The following VTA1 variants were observed in gnomAD, a reference collection of about 807,000 sequenced individuals.
VTA1 encodes vacuolar protein sorting-associated protein VTA1 homolog.
VTA1 carries 24 observed loss-of-function variants against 36.9 expected under a neutral mutation model. The observed-to-expected ratio is 0.65, with a 90% CI of 0.47 to 0.91. The LOEUF is 0.91. Ranked by LOEUF, VTA1 falls within the 40% of genes least tolerant of loss-of-function variation. The pLI is 0.00. For synonymous variants in VTA1, 142 were observed against 130.2 expected, an observed-to-expected ratio of 1.09 and a Z score of -0.62; for missense variants, 393 against 377.2, an observed-to-expected ratio of 1.04 and a Z score of -0.35.
intron 7 of VTA1, among the ~76,000 whole-genome samples, chr6:142,211,226 A>G (rs1457104978): frequency 6.6e-6 from 1 of 152,218 alleles, no homozygotes; most frequent in Non-Finnish European, 1.5e-5. Context: ...TGTTTTTATT[A>G]CCACTGAAAT....
intron 4 of VTA1, among the ~76,000 whole-genome samples, chr6:142,186,852 T>C (rs1292524859): frequency 6.6e-6 from 1 of 151,724 alleles, no homozygotes; most frequent in African/African-American, 2.4e-5. Flanking sequence ...GGCAGGATCA[T>C]GATGTTTGTA....
At chr6:142,170,964 C>G (rs145671222) in intron 4 of VTA1, among the ~76,000 whole-genome samples, 1 of 152,112 alleles carries the variant, frequency 6.6e-6, no homozygotes, top group Non-Finnish European at 1.5e-5. Context: ...GTATTTTACA[C>G]TTCAGCATAT....
At chr6:142,191,120 G>A (rs1775447338) in intron 5 of VTA1, among the ~76,000 whole-genome samples, 1 of 152,048 alleles carries the variant, frequency 6.6e-6, no homozygotes, top group African/African-American at 2.4e-5. Flanking sequence ...ACTAAAGATG[G>A]TCTACAGTTT....
intron 1 of VTA1, among the ~76,000 whole-genome samples, chr6:142,150,739 C>A (rs1240944233): frequency 2.0e-5 from 3 of 151,986 alleles, no homozygotes; most frequent in Non-Finnish European, 4.4e-5. Flanking sequence ...ATGAAGAAAC[C>A]CTGTCTGTAC....
chr6:142,153,339 A>G (rs1477144923), intron 1 of VTA1, among the ~76,000 whole-genome samples: 1 of 151,726 alleles, frequency 6.6e-6, no homozygotes, highest in Non-Finnish European at 1.5e-5. Context: ...ACAGTAATTC[A>G]TAGCTTTTTT....
intron 7 of VTA1, among the ~76,000 whole-genome samples, chr6:142,213,096 A>G (rs1490781469): frequency 1.3e-5 from 2 of 152,204 alleles, no homozygotes; most frequent in Non-Finnish European, 2.9e-5. Flanking sequence ...CTTTCCACCT[A>G]TGAGCCTGTA....
intron 5 of VTA1, among the ~76,000 whole-genome samples, chr6:142,193,579 G>A (rs1230716182): frequency 6.6e-6 from 1 of 151,988 alleles, no homozygotes; most frequent in African/African-American, 2.4e-5. Flanking sequence ...ATTTACATCA[G>A]TATGGGCTCA....
At chr6:142,179,153 C>G (rs1319262725) in intron 4 of VTA1, among the ~76,000 whole-genome samples, 1 of 151,700 alleles carries the variant, frequency 6.6e-6, no homozygotes, top group Non-Finnish European at 1.5e-5. Context: ...ATTTTAACAC[C>G]CCCATTAGTC....
At chr6:142,165,301 C>T (rs541288339) in intron 1 of VTA1, among the ~76,000 whole-genome samples, 2 of 152,060 alleles carry the variant, frequency 1.3e-5, no homozygotes, top group South Asian at 4.1e-4. Context: ...TGGGGGGCAG[C>T]GTAACCGTAG....
intron 4 of VTA1, among the ~76,000 whole-genome samples, chr6:142,179,468 C>T (rs1462067530): frequency 6.6e-6 from 1 of 151,938 alleles, no homozygotes; most frequent in Non-Finnish European, 1.5e-5. Context: ...AGAAACAACC[C>T]TGATGTCCAC....
intron 7 of VTA1, among the ~76,000 whole-genome samples, chr6:142,206,964 A>C (rs1321068996): frequency 1.3e-5 from 2 of 152,192 alleles, no homozygotes; most frequent in Non-Finnish European, 2.9e-5. Context: ...CTGATGCCTA[A>C]ATTTGAACTC....
chr6:142,195,694 G>C (rs986182148), intron 5 of VTA1, among the ~76,000 whole-genome samples: 33 of 140,056 alleles, frequency 2.4e-4, no homozygotes, highest in African/African-American at 8.5e-4. Flanking sequence ...CTATCTTTCA[G>C]TTTCCCTCTA....
chr6:142,181,094 A>AAAAAAAAATATATATAT (rs1471429927), intron 4 of VTA1, among the ~76,000 whole-genome samples: 6 of 36,420 alleles, frequency 1.6e-4, no homozygotes, highest in Admixed American at 8.1e-4. Context: ...AAAAAAAAAA[A>AAAAAAAAATATATATAT]ATATATATAT....
chr6:142,204,092 T>C, intron 7 of VTA1, 27 bp downstream of exon 7: 1 of 1,595,048 alleles, frequency 6.3e-7, no homozygotes, highest in South Asian at 1.1e-5. Flanking sequence ...TTTTGTGAGA[T>C]ACATTTATCT....
intron 1 of VTA1, among the ~76,000 whole-genome samples, chr6:142,161,345 C>T (rs909919893): frequency 2.0e-5 from 3 of 152,100 alleles, no homozygotes; most frequent in African/African-American, 7.2e-5. Flanking sequence ...AAGCCTCACT[C>T]CTCACAGTTG....
At chr6:142,181,097 AT>A (rs1775226140) in intron 4 of VTA1, among the ~76,000 whole-genome samples, 21 of 86,498 alleles carry the variant, frequency 2.4e-4, no homozygotes, top group East Asian at 4.8e-4. Flanking sequence ...AAAAAAAAAT[AT>A]ATATATATAT....
At chr6:142,181,079 A>AAAAAAG (rs1491413328) in intron 4 of VTA1, among the ~76,000 whole-genome samples, 3 of 40,162 alleles carry the variant, frequency 7.5e-5, no homozygotes, top group African/African-American at 2.8e-4. Context: ...AATGGTACAG[A>AAAAAAG]AAAAAAAAAA....
chr6:142,150,326 A>G (rs930241405), intron 1 of VTA1, among the ~76,000 whole-genome samples: 2 of 152,216 alleles, frequency 1.3e-5, no homozygotes, highest in Non-Finnish European at 2.9e-5. Flanking sequence ...GAGTAGGCAA[A>G]TAATTCCAAA....
intron 7 of VTA1, among the ~76,000 whole-genome samples, chr6:142,210,988 A>G (rs535869621): frequency 3.2e-4 from 49 of 152,362 alleles, no homozygotes; most frequent in African/African-American, 1.1e-3. Context: ...ATTCAGCCAA[A>G]AAAAGGAAAA....
Sources: allele counts gnomAD v4.1 joint callset (sites outside exome capture counted in the v4.1 genomes callset), GRCh38; gene constraint gnomAD v4.1.1; transcripts MANE v1.5; gene names NCBI Gene and HGNC (gene_info 2026-07-23, HGNC 2026-07-21).